The following BBX variants were observed in gnomAD, a reference collection of about 807,000 sequenced individuals.
BBX encodes HMG box transcription factor BBX.
BBX carries 30 observed loss-of-function variants against 100.2 expected under a neutral mutation model. The observed-to-expected ratio is 0.30, with a 90% confidence interval of 0.22 to 0.41. The LOEUF (loss-of-function observed/expected upper bound fraction) is 0.41. Among genes scored for constraint, BBX ranks in the 10% least tolerant of loss-of-function variants. The pLI is 1.00. For missense variants in BBX, 1,023 were observed against 1,129.8 expected, an observed-to-expected ratio of 0.91 and a Z score of 1.35; for synonymous variants, 376 against 388.1, an observed-to-expected ratio of 0.97 and a Z score of 0.37.
intron 3 of BBX, among the ~76,000 whole-genome samples, chr3:107,684,892 G>T (rs914092399): frequency 6.6e-6 from 1 of 152,176 alleles, no homozygotes; most frequent in Non-Finnish European, 1.5e-5. Context: ...TGTAGGCAAA[G>T]TGGGTGCGGG....
intron 10 of BBX, among the ~76,000 whole-genome samples, chr3:107,768,960 G>A (rs1173178426): frequency 7.3e-6 from 1 of 137,346 alleles, no homozygotes; most frequent in African/African-American, 2.7e-5. Flanking sequence ...GAGTTGGAGA[G>A]CATCCTAGGC....
intron 10 of BBX, among the ~76,000 whole-genome samples, chr3:107,767,149 A>G (rs542553067): frequency 2.5e-4 from 38 of 152,330 alleles, no homozygotes; most frequent in African/African-American, 7.9e-4. Flanking sequence ...GTTTATACCT[A>G]TGTGACAACT....
chr3:107,551,161 A>G (rs1218136420), intron 2 of BBX, among the ~76,000 whole-genome samples: 3 of 152,228 alleles, frequency 2.0e-5, no homozygotes, highest in Admixed American at 2.0e-4. Context: ...ATATTTTTAT[A>G]GTTCTTTTGG....
At chr3:107,760,105 A>G (rs1372703295) in intron 10 of BBX, among the ~76,000 whole-genome samples, 4 of 152,242 alleles carry the variant, frequency 2.6e-5, no homozygotes, top group Non-Finnish European at 2.9e-5. Context: ...TAGAAGTTAT[A>G]TAACTTGTTT....
At chr3:107,745,604 G>A (rs2064514109) in intron 8 of BBX, among the ~76,000 whole-genome samples, 1 of 151,938 alleles carries the variant, frequency 6.6e-6, no homozygotes, top group African/African-American at 2.4e-5. Context: ...AGGACTGCAG[G>A]CACATGCCAC....
intron 2 of BBX, among the ~76,000 whole-genome samples, chr3:107,626,325 G>A (rs2056172538): frequency 6.6e-6 from 1 of 152,072 alleles, no homozygotes; most frequent in Non-Finnish European, 1.5e-5. Context: ...TACCTTCCTG[G>A]GCTTTTCTGT....
intron 3 of BBX, among the ~76,000 whole-genome samples, chr3:107,650,070 G>A (rs1161257301): frequency 6.6e-6 from 1 of 152,114 alleles, no homozygotes; most frequent in African/African-American, 2.4e-5. Context: ...AGAAGAAATA[G>A]ACATTTCTAT....
At chr3:107,686,347 C>T (rs534758809) in intron 3 of BBX, among the ~76,000 whole-genome samples, 1 of 151,860 alleles carries the variant, frequency 6.6e-6, no homozygotes, top group South Asian at 2.1e-4. Context: ...TAAGAGAAAC[C>T]TTCTGGTTTT....
chr3:107,716,932 G>C, intron 5 of BBX, 83 bp downstream of exon 5: 1 of 1,510,164 alleles, frequency 6.6e-7, no homozygotes, highest in Non-Finnish European at 9.0e-7. Flanking sequence ...AGCACCTGTT[G>C]AAGGTCTAGC....
At chr3:107,728,997 A>G (rs778544450) in intron 6 of BBX, 37 bp downstream of exon 6, 9 of 1,582,268 alleles carry the variant, frequency 5.7e-6, no homozygotes, top group East Asian at 2.2e-5. Flanking sequence ...TTCTTTAAGG[A>G]CAGGGCAATA....
chr3:107,739,543 T>C (rs913347730), intron 7 of BBX, among the ~76,000 whole-genome samples: 4 of 152,172 alleles, frequency 2.6e-5, no homozygotes, highest in African/African-American at 7.2e-5. Flanking sequence ...CCCAGCTTGA[T>C]TGACAAATCA....
Position 107,748,038 on chromosome 3 carries a change from A to C in BBX, c.824A>C (p.Glu275Ala), listed in dbSNP as rs1457569008. Residue 275 changes from glutamate to alanine, a missense_variant and splice_region_variant, in exon 9 of 18, where the codon GAG becomes GCG. Physicochemically the swap from Glu to Ala is moderately radical, Grantham distance 107. Coordinates refer to ENST00000325805, the MANE Select transcript of BBX (RefSeq NM_001142568.3). ...ACATCTGCCTTGTTTCAGTTTGCAG[A>C]GGTATGGCCTTTTTAAAATGCTTTT... is the stretch of plus-strand genomic sequence containing the variant. Reference protein sequence around the residue: ...CQTSALFQFAEISSNTSQLGG... With the variant: ...CQTSALFQFAAISSNTSQLGG... 3.7e-6 allele frequency: 6 copies of C among 1,611,796 alleles called. No individual in the cohort carries two copies. Among genetic ancestry groups the C allele is most frequent in the Non-Finnish European group, 5.1e-6 (6 of 1,178,688 alleles).
chr3:107,699,828 A>C (rs2060913452), intron 3 of BBX, among the ~76,000 whole-genome samples: 1 of 151,980 alleles, frequency 6.6e-6, no homozygotes, highest in South Asian at 2.1e-4. Flanking sequence ...TATTTTCTCG[A>C]GAGGATAGAA....
intron 3 of BBX, among the ~76,000 whole-genome samples, chr3:107,709,193 A>G (rs552251953): frequency 2.1e-4 from 32 of 152,340 alleles, no homozygotes; most frequent in Admixed American, 5.9e-4. Flanking sequence ...TCCCAGATTA[A>G]TCAAGTATTT....
chr3:107,561,811 C>T (rs2050521647), intron 2 of BBX, among the ~76,000 whole-genome samples: 1 of 152,124 alleles, frequency 6.6e-6, no homozygotes, highest in African/African-American at 2.4e-5. Flanking sequence ...GTATATGCTA[C>T]AAAATCTTAA....
At chr3:107,693,183 G>A (rs1245440564) in intron 3 of BBX, among the ~76,000 whole-genome samples, 2 of 151,032 alleles carry the variant, frequency 1.3e-5, no homozygotes, top group Non-Finnish European at 3.0e-5. Context: ...CTTTTGCTGT[G>A]CAGAAGCTCT....
intron 3 of BBX, among the ~76,000 whole-genome samples, chr3:107,695,846 T>C (rs1168024862): frequency 6.6e-6 from 1 of 151,744 alleles, no homozygotes; most frequent in African/African-American, 2.4e-5. Flanking sequence ...TCTTTGTAGG[T>C]CACTCAGGAC....
chr3:107,789,938 G>T, intron 14 of BBX, 62 bp downstream of exon 14: 1 of 1,318,486 alleles, frequency 7.6e-7, no homozygotes, highest in South Asian at 1.4e-5. Context: ...ATTCATCTTT[G>T]AGTAATGCTC....
rs1048203697 is a variant in BBX, at chr3:107,811,074, A to C, written c.*5617A>C. The C allele has an allele frequency of 6.6e-6, 1 of 152,216 alleles. No homozygotes were observed. Among genetic ancestry groups the C allele is most frequent in the Admixed American group, 6.5e-5 (1 of 15,286 alleles). The allele number at this position is 152,216 out of a possible 1,614,324, so 9.4% of individuals were successfully genotyped here. ...ACACATTTATATAATTTCTTTCTTC[A>C]AAATCTTATACCTAATTTGATATTT... On this transcript the variant is annotated 3_prime_UTR_variant, in exon 18 of 18. Transcript: ENST00000325805.
Sources: gnomAD v4.1 joint callset for allele counts (sites outside exome capture counted in the v4.1 genomes callset) on GRCh38, gnomAD v4.1.1 for gene constraint, MANE v1.5 for transcripts, NCBI Gene and HGNC (gene_info 2026-07-23, HGNC 2026-07-21) for gene names.